EZH2: variants seen among roughly 807,000 people sequenced by gnomAD.
EZH2 encodes the protein enhancer of zeste 2 polycomb repressive complex 2 subunit.
In EZH2, 18 loss-of-function variants were observed where a neutral mutation model predicts 98.4. The ratio of observed to expected loss-of-function variants is 0.18; its 90% confidence interval spans 0.13 to 0.27. The LOEUF (loss-of-function observed/expected upper bound fraction) is 0.27, where lower values mean the gene tolerates loss of function less well. Among genes scored for constraint, EZH2 ranks in the 10% least tolerant of loss-of-function variants. The pLI is 1.00. For missense variants in EZH2, 470 were observed against 935.1 expected (o/e 0.50, Z 6.49); for synonymous variants, 338 against 312.3 (o/e 1.08, Z -0.87).
At chr7:148,830,649 G>T (rs1202889264) in intron 4 of EZH2, among the ~76,000 whole-genome samples, 1 of 152,190 alleles carries the variant, frequency 6.6e-6, no homozygotes. Flanking sequence ...TTAGATGAAT[G>T]AGATGAATAT....
intron 1 of EZH2, among the ~76,000 whole-genome samples, chr7:148,862,178 G>A (rs1261917700): frequency 6.6e-5 from 10 of 152,112 alleles, no homozygotes; most frequent in African/African-American, 1.2e-4. Context: ...CATGGAATCC[G>A]AAATTGTATC....
intron 8 of EZH2, among the ~76,000 whole-genome samples, chr7:148,823,159 C>A (rs1378079102): frequency 6.6e-6 from 1 of 152,190 alleles, no homozygotes; most frequent in Non-Finnish European, 1.5e-5. Flanking sequence ...GTAACACCTT[C>A]TATGGGCAGG....
chr7:148,837,560 C>G (rs940640404), intron 3 of EZH2, among the ~76,000 whole-genome samples: 1 of 152,142 alleles, frequency 6.6e-6, no homozygotes, highest in Non-Finnish European at 1.5e-5. Context: ...GTTCAGGCTA[C>G]TTTTATGCAA....
intron 1 of EZH2, among the ~76,000 whole-genome samples, chr7:148,857,801 AAAGTT>A (rs1211385111): frequency 6.6e-6 from 1 of 152,030 alleles, no homozygotes; most frequent in African/African-American, 2.4e-5. Context: ...ACTCCAAAAT[AAAGTT>A]ATTTGTTAAA....
intron 3 of EZH2, among the ~76,000 whole-genome samples, chr7:148,836,381 T>C (rs1810936876): frequency 6.6e-6 from 1 of 152,232 alleles, no homozygotes; most frequent in South Asian, 2.1e-4. Context: ...AATATTCAAA[T>C]GCAAAAGCAT....
intron 1 of EZH2, among the ~76,000 whole-genome samples, chr7:148,879,836 T>C (rs1820713251): frequency 6.6e-6 from 1 of 150,922 alleles, no homozygotes; most frequent in Non-Finnish European, 1.5e-5. Context: ...TCAAACACAA[T>C]GGCTCAGCCT....
At chr7:148,877,813 T>G (rs929770316) in intron 1 of EZH2, among the ~76,000 whole-genome samples, 2 of 152,254 alleles carry the variant, frequency 1.3e-5, no homozygotes, top group African/African-American at 2.4e-5. Flanking sequence ...TAAATGTAAC[T>G]TTCTGAATGA....
chr7:148,822,324 A>G (rs1806374140), intron 8 of EZH2, among the ~76,000 whole-genome samples: 1 of 152,044 alleles, frequency 6.6e-6, no homozygotes, highest in African/African-American at 2.4e-5. Flanking sequence ...GGCCTGGCCA[A>G]CATGGCAAAA....
At chr7:148,854,305 G>A (rs1403464620) in intron 1 of EZH2, among the ~76,000 whole-genome samples, 9 of 152,016 alleles carry the variant, frequency 5.9e-5, no homozygotes, top group African/African-American at 1.9e-4. Context: ...GCGTGGTGGC[G>A]GGCACCTGTA....
Position 148,866,875 on chromosome 7 carries a change from C to T in EZH2, c.-8+17289G>A, listed in dbSNP as rs982040309. Among the ~76,000 whole-genome samples, 17 of 149,560 alleles carry T rather than the reference C, an allele frequency of 1.1e-4. No individual in the cohort carries two copies. The East Asian group carries it at 1.2e-3, about 11-fold the overall frequency. On this transcript the variant is annotated intron_variant, in intron 1 of 19. Coordinates refer to ENST00000320356, the MANE Select transcript of EZH2 (RefSeq NM_004456.5). ...GACTACAGGTGCACATCAACGCACC[C>T]GGCTAATTTTTATTTTTTGGTAGAG...
At chr7:148,873,792 C>CA (rs762564666) in intron 1 of EZH2, among the ~76,000 whole-genome samples, 1 of 151,716 alleles carries the variant, frequency 6.6e-6, no homozygotes, top group Admixed American at 6.6e-5. Flanking sequence ...TTACAATATA[C>CA]AAAAACCTTT....
At chr7:148,853,233 A>G (rs1364916361) in intron 1 of EZH2, among the ~76,000 whole-genome samples, 2 of 152,074 alleles carry the variant, frequency 1.3e-5, no homozygotes, top group African/African-American at 4.8e-5. Context: ...CCAACATGGT[A>G]AAACCCTGTT....
At chr7:148,815,582 G>A (rs763169095) in intron 12 of EZH2, 36 bp from the exon 13 acceptor site, 4 of 1,600,172 alleles carry the variant, frequency 2.5e-6, no homozygotes, top group South Asian at 2.2e-5. Flanking sequence ...CCAAATTTCT[G>A]CGGGAAGCTA....
intron 6 of EZH2, 44 bp from the exon 7 acceptor site, chr7:148,827,310 A>G (rs757365331): frequency 1.4e-6 from 2 of 1,464,232 alleles, no homozygotes; most frequent in East Asian, 2.3e-5. Flanking sequence ...GGAAGTAAAC[A>G]AGTTTTTGAT....
chr7:148,883,829 C>G (rs557463493), intron 1 of EZH2, among the ~76,000 whole-genome samples: 1 of 151,916 alleles, frequency 6.6e-6, no homozygotes, highest in Non-Finnish European at 1.5e-5. Context: ...GACCGGGCAC[C>G]GGAACGCCCC....
Position 148,828,698 on chromosome 7 carries a change from A to C in EZH2, c.625+42T>G, listed in dbSNP as rs200763937. 5.1e-6 allele frequency: 8 copies of C among 1,580,030 alleles called. No homozygotes were observed. In the East Asian group the frequency reaches 9.0e-5, roughly 18 times the overall value. ...CTACTCTTTCTACTGTTTTTGAAAG[A>C]AAGCTGTAATGGCTACACAGAATCC... On this transcript the variant is annotated intron_variant, in intron 6 of 19. Coordinates refer to ENST00000320356, the MANE Select transcript of EZH2 (RefSeq NM_004456.5).
intron 11 of EZH2, 76 bp downstream of exon 11, chr7:148,817,142 TTTTC>T (rs1804774872): frequency 5.1e-6 from 7 of 1,364,448 alleles, no homozygotes; most frequent in South Asian, 1.6e-5. Flanking sequence ...TAACCAAGAA[TTTTC>T]TTTGTTTGGA....
At chr7:148,846,288 G>T (rs575485836) in intron 3 of EZH2, among the ~76,000 whole-genome samples, 182 bp downstream of exon 3, 40 of 152,100 alleles carry the variant, frequency 2.6e-4, no homozygotes, top group Non-Finnish European at 4.1e-4. Context: ...TTAGAACTCT[G>T]TTATAGGAAT....
intron 2 of EZH2, among the ~76,000 whole-genome samples, 166 bp from the exon 3 acceptor site, chr7:148,846,764 C>T (rs1814167575): frequency 6.6e-6 from 1 of 151,360 alleles, no homozygotes; most frequent in African/African-American, 2.4e-5. Context: ...TCAAATAATA[C>T]AAAAACACCA....
Sources: allele counts gnomAD v4.1 joint callset (sites outside exome capture counted in the v4.1 genomes callset), GRCh38; gene constraint gnomAD v4.1.1; transcripts MANE v1.5; gene names NCBI Gene and HGNC (gene_info 2026-07-23, HGNC 2026-07-21).